The following IL31RA variants were observed in gnomAD, a reference collection of about 807,000 sequenced individuals.
IL31RA encodes the protein interleukin-31 receptor subunit alpha.
IL31RA carries 66 observed loss-of-function variants against 83.7 expected under a neutral mutation model. That is an observed-to-expected ratio of 0.79 (90% CI 0.65 to 0.97). IL31RA has a LOEUF of 0.97. Among genes scored for constraint, IL31RA ranks in the 50% least tolerant of loss-of-function variants. The pLI is 0.00. For missense variants in IL31RA, 798 were observed against 919.4 expected, an observed-to-expected ratio of 0.87 and a Z score of 1.71; for synonymous variants, 325 against 329.0, an observed-to-expected ratio of 0.99 and a Z score of 0.13.
intron 3 of IL31RA, among the ~76,000 whole-genome samples, chr5:55,871,906 G>T (rs1746530508): frequency 6.6e-6 from 1 of 151,692 alleles, no homozygotes; most frequent in African/African-American, 2.4e-5. Flanking sequence ...ACATATATAT[G>T]TAAAAGAATA....
At chr5:55,888,143 A>T (rs972635822) in intron 5 of IL31RA, among the ~76,000 whole-genome samples, 1 of 152,168 alleles carries the variant, frequency 6.6e-6, no homozygotes, top group Non-Finnish European at 1.5e-5. Context: ...GTGAGTTAGG[A>T]TTTGGCACAA....
At chr5:55,848,843 C>A (rs1472147290), upstream of IL31RA, among the ~76,000 whole-genome samples, 1 of 152,152 alleles carries the variant, frequency 6.6e-6, no homozygotes, top group East Asian at 1.9e-4. Flanking sequence ...TCTTAGAACT[C>A]TCTTTCTATG....
In IL31RA at chr5:55,910,621, A is replaced by T; in HGVS notation, c.1591A>T (p.Ser531Cys). 6.2e-7 allele frequency: 1 copy of T among 1,613,566 alleles called. No homozygotes were observed. The highest frequency in any genetic ancestry group is 8.5e-7 in the Non-Finnish European group (1 of 1,179,410). The change falls in exon 12 of 15, where the codon AGT becomes TGT. Residue 531 changes from serine to cysteine, a missense_variant. Ser to Cys is a moderately radical substitution (Grantham distance 112). Coordinates refer to ENST00000652347, the MANE Select transcript of IL31RA (RefSeq NM_139017.7). ...CATTGTTCAGGTCATGGCCAGCACC[A>T]GTGCTGGGGGAACCAACGGGACCAG... The part of the protein sequence containing the change: ...SYIVQVMAST[S>C]AGGTNGTSIN...
At chr5:55,897,977 G>A (rs553696412) in intron 7 of IL31RA, among the ~76,000 whole-genome samples, 20 of 152,280 alleles carry the variant, frequency 1.3e-4, no homozygotes, top group South Asian at 2.1e-4. Flanking sequence ...GGAGGCTCCC[G>A]CACCATCGCC....
Position 55,922,059 on chromosome 5 carries a change from G to GC in IL31RA, c.*4939_*4940insC, listed in dbSNP as rs1262364102. Among the ~76,000 whole-genome samples, 11 of 147,066 alleles carry GC rather than the reference G, an allele frequency of 7.5e-5. 1 individual carries two copies. The highest frequency in any genetic ancestry group is 1.0e-4 in the Non-Finnish European group (7 of 67,046). Reference sequence around the variant, plus strand: ...CTTGCACTCTTATGTTGTGGCGGGGGGGGGGGGCGGTTCCTGAAGAGTGGA... The same window carrying GC: ...CTTGCACTCTTATGTTGTGGCGGGGGCGGGGGGGCGGTTCCTGAAGAGTGGA... On this transcript the variant is annotated 3_prime_UTR_variant, in exon 15 of 15. Transcript: ENST00000652347.
intron 4 of IL31RA, among the ~76,000 whole-genome samples, chr5:55,876,206 G>C (rs1306206484): frequency 6.6e-6 from 1 of 152,118 alleles, no homozygotes; most frequent in East Asian, 1.9e-4. Flanking sequence ...AAGAGATTGA[G>C]ACCATCCTGG....
chr5:55,853,404 C>G, intron 1 of IL31RA: 2 of 1,409,234 alleles, frequency 1.4e-6, no homozygotes, highest in Non-Finnish European at 1.9e-6. Context: ...ACAAGAAAAG[C>G]TCGCAGACAA....
At chr5:55,908,859 C>G in intron 11 of IL31RA, 1 of 1,325,486 alleles carries the variant, frequency 7.5e-7, no homozygotes, top group Non-Finnish European at 9.6e-7. Context: ...TGGATTCTTG[C>G]TTAGGCTAAA....
In IL31RA at chr5:55,896,355, T is replaced by C. The variant is rs770129884; in HGVS notation, c.778T>C (p.Cys260Arg). 8.7e-6 allele frequency: 14 copies of C among 1,610,824 alleles called. No homozygotes were observed. The highest frequency in any genetic ancestry group is 8.3e-5 in the Admixed American group (5 of 60,000). Residue 260 changes from cysteine to arginine, a missense_variant, in exon 7 of 15, where the codon TGT (cysteine) becomes CGT (arginine). Transcript: ENST00000652347. ...KMGMTEEEAP[C>R]GLELWRVLKP... ...CTCATTCTTGTTCCTTACAGCTCCA[T>C]GTGGCCTGGAACTGTGGAGAGTCCT... is the stretch of plus-strand genomic sequence containing the variant.
chr5:55,847,253 A>T (rs200096423), upstream of IL31RA, among the ~76,000 whole-genome samples: 2 of 90,946 alleles, frequency 2.2e-5, no homozygotes, highest in African/African-American at 6.6e-5. Context: ...AAAAATAAAT[A>T]AATAAATAAA....
chr5:55,909,721 T>TG (rs1285284662), intron 11 of IL31RA, among the ~76,000 whole-genome samples: 3 of 151,688 alleles, frequency 2.0e-5, no homozygotes, highest in African/African-American at 7.3e-5. Context: ...TTTTTTTTTT[T>TG]GAGACGGAGT....
chr5:55,912,059 A>G (rs1279362007), intron 12 of IL31RA, among the ~76,000 whole-genome samples: 4 of 152,184 alleles, frequency 2.6e-5, no homozygotes, highest in African/African-American at 4.8e-5. Context: ...ACTGGGCACA[A>G]ATTTCATCAG....
upstream of IL31RA, among the ~76,000 whole-genome samples, chr5:55,848,075 T>C (rs1744976662): frequency 6.6e-6 from 1 of 152,206 alleles, no homozygotes; most frequent in Admixed American, 6.5e-5. Context: ...CTAACTTTCA[T>C]TAATTGGTTA....
At chr5:55,861,549 G>T (rs1376064132) in intron 2 of IL31RA, among the ~76,000 whole-genome samples, 1 of 152,150 alleles carries the variant, frequency 6.6e-6, no homozygotes, top group Non-Finnish European at 1.5e-5. Context: ...CCGTACCCCA[G>T]GTCCATGGAA....
At chr5:55,846,746 C>T (rs1053144082), upstream of IL31RA, among the ~76,000 whole-genome samples, 5 of 151,886 alleles carry the variant, frequency 3.3e-5, no homozygotes, top group Non-Finnish European at 5.9e-5. Flanking sequence ...GAGCCAAGAT[C>T]ATGCCACTGC....
At chr5:55,908,528 C>T (rs1749303054) in intron 11 of IL31RA, 117 bp downstream of exon 11, 1 of 1,598,996 alleles carries the variant, frequency 6.3e-7, no homozygotes, top group East Asian at 2.3e-5. Flanking sequence ...TGGCATGAAT[C>T]ACTTAGCTTC....
chr5:55,914,835 C>T lies in IL31RA; in HGVS notation c.1737-12C>T. 6.3e-7 allele frequency: 1 copy of T among 1,597,028 alleles called. No individual in the cohort carries two copies. The highest frequency in any genetic ancestry group is 1.1e-5 in the South Asian group (1 of 90,766). ...GATTCAATTCCCATCTTAAAATCTT[C>T]TCTCTCATTAGCAAATTGACTCATC... On this transcript the variant is annotated splice_polypyrimidine_tract_variant and intron_variant, in intron 13 of 14. Coordinates refer to ENST00000652347, the MANE Select transcript of IL31RA (RefSeq NM_139017.7).
intron 6 of IL31RA, among the ~76,000 whole-genome samples, chr5:55,895,378 G>A (rs764213451): frequency 6.6e-6 from 1 of 152,172 alleles, no homozygotes; most frequent in East Asian, 1.9e-4. Context: ...AATTGCCAGT[G>A]AGCCATCTCC....
rs1200928219 is a variant in IL31RA at position 55,918,156 on chromosome 5, C to T, written c.*1036C>T. Among the ~76,000 whole-genome samples, 2 of 152,198 alleles carry T rather than the reference C, an allele frequency of 1.3e-5. No homozygotes were observed. Among genetic ancestry groups the T allele is most frequent in the African/African-American group, 4.8e-5 (2 of 41,446 alleles). ...AGCACTGAGATAGTACTGGGCTCCT[C>T]CTGTAACTATAGTGACAGAGTCAGC... is the stretch of plus-strand genomic sequence containing the variant. On this transcript the variant is annotated 3_prime_UTR_variant, in exon 15 of 15. Transcript: ENST00000652347.
Sources: allele counts gnomAD v4.1 joint callset (sites outside exome capture counted in the v4.1 genomes callset), GRCh38; gene constraint gnomAD v4.1.1; transcripts MANE v1.5; gene names NCBI Gene and HGNC (gene_info 2026-07-23, HGNC 2026-07-21).